RDX: variants seen among roughly 807,000 people sequenced by gnomAD.
RDX encodes the protein deafness, autosomal recessive 24.
A neutral mutation model predicts 83.7 loss-of-function variants in RDX; 32 were observed. The ratio of observed to expected loss-of-function variants is 0.38; its 90% CI spans 0.29 to 0.51. RDX has a LOEUF of 0.51. Ranked by LOEUF, RDX falls within the 20% of genes least tolerant of loss-of-function variation. RDX has a pLI of 0.87. For missense variants in RDX, 600 were observed against 689.9 expected (o/e 0.87, Z 1.46); for synonymous variants, 229 against 222.7 (o/e 1.03, Z -0.25).
At chr11:110,177,812 C>T (rs776765529) in intron 15 of RDX, among the ~76,000 whole-genome samples, 1 of 152,146 alleles carries the variant, frequency 6.6e-6, no homozygotes, top group Non-Finnish European at 1.5e-5. Context: ...CAAACACTTC[C>T]CTATCCAGTC....
intron 5 of RDX, among the ~76,000 whole-genome samples, chr11:110,260,964 CTG>C (rs1218750013): frequency 2.6e-5 from 4 of 152,050 alleles, no homozygotes; most frequent in Non-Finnish European, 4.4e-5. Context: ...TTGGTTGACT[CTG>C]TGAATGCAGA....
At chr11:110,271,734 T>C (rs1280624553) in intron 3 of RDX, among the ~76,000 whole-genome samples, 1 of 152,184 alleles carries the variant, frequency 6.6e-6, no homozygotes, top group Admixed American at 6.5e-5. Flanking sequence ...TCCCAGTTCC[T>C]TAACATACCG....
Position 110,229,649 on chromosome 11 carries a change from A to G in RDX, c.*2220T>C, listed in dbSNP as rs1864548472. 6.6e-6 allele frequency: 1 copy of G among 152,538 alleles called. No individual in the cohort carries two copies. Among genetic ancestry groups the G allele is most frequent in the Non-Finnish European group, 1.5e-5 (1 of 67,926 alleles). 9.4% of individuals were successfully genotyped at this position (152,538 alleles called of 1,614,324 possible). On this transcript the variant is annotated 3_prime_UTR_variant, in exon 14 of 14. Coordinates refer to ENST00000645495, the MANE Select transcript of RDX (RefSeq NM_002906.4). ...ATAAGTTATAATTGGTTTAATCTCT[A>G]AGAAATCCATATTGCAAATGGTTCT...
chr11:110,278,895 A>C (rs1860633213), intron 2 of RDX, among the ~76,000 whole-genome samples: 1 of 152,088 alleles, frequency 6.6e-6, no homozygotes. Flanking sequence ...AGATTAAGAA[A>C]AGAACATTTA....
At chr11:110,258,370 G>A (rs1859638214) in intron 5 of RDX, among the ~76,000 whole-genome samples, 181 bp from the exon 6 acceptor site, 1 of 152,254 alleles carries the variant, frequency 6.6e-6, no homozygotes, top group African/African-American at 2.4e-5. Flanking sequence ...TAAAACTGAT[G>A]TAATCTGAAT....
intron 14 of RDX, among the ~76,000 whole-genome samples, chr11:110,211,808 C>G (rs1030548377): frequency 1.3e-5 from 2 of 151,632 alleles, no homozygotes; most frequent in Non-Finnish European, 2.9e-5. Context: ...CACAACATAC[C>G]AGAATCTGTG....
chr11:110,247,387 T>C (rs1859153182), intron 10 of RDX, among the ~76,000 whole-genome samples: 1 of 151,564 alleles, frequency 6.6e-6, no homozygotes, highest in East Asian at 1.9e-4. Flanking sequence ...GTATTGCATA[T>C]GTGTTTTTTG....
chr11:110,178,044 C>T (rs1862811735), intron 15 of RDX, among the ~76,000 whole-genome samples: 2 of 152,172 alleles, frequency 1.3e-5, no homozygotes, highest in South Asian at 4.1e-4. Context: ...CTGCCCTCCC[C>T]ACCCACCATG....
At chr11:110,239,918 G>A (rs1865014655) in intron 10 of RDX, among the ~76,000 whole-genome samples, 1 of 151,408 alleles carries the variant, frequency 6.6e-6, no homozygotes, top group African/African-American at 2.4e-5. Context: ...ACTGTTGGTG[G>A]GAATGCAAAT....
intron 15 of RDX, chr11:110,195,899 T>C (rs2298500): frequency 0.41 from 61,674 of 151,980 alleles, 12,630 homozygotes; most frequent in East Asian, 0.6. Flanking sequence ...TGCAGGGTGC[T>C]GTGCGAAGTC....
At chr11:110,183,046 A>T (rs1862918138) in intron 15 of RDX, among the ~76,000 whole-genome samples, 1 of 152,218 alleles carries the variant, frequency 6.6e-6, no homozygotes, top group South Asian at 2.1e-4. Context: ...CAGCCAGACC[A>T]CAGGAGTCAG....
At chr11:110,252,778 TC>T (rs398017558) in intron 9 of RDX, among the ~76,000 whole-genome samples, 11 of 44,982 alleles carry the variant, frequency 2.4e-4, no homozygotes, top group Middle Eastern at 0.017. Flanking sequence ...AACTCATTAC[TC>T]TTTTTTTTAT....
intron 14 of RDX, among the ~76,000 whole-genome samples, chr11:110,217,899 C>T (rs1306005769): frequency 8.9e-6 from 1 of 112,946 alleles, no homozygotes; most frequent in Non-Finnish European, 1.8e-5. Context: ...TCTTCTGTTT[C>T]TTCCTCTAGA....
At chr11:110,264,427 A>G (rs965948476) in intron 4 of RDX, among the ~76,000 whole-genome samples, 193 bp from the exon 5 acceptor site, 2 of 152,226 alleles carry the variant, frequency 1.3e-5, no homozygotes, top group African/African-American at 2.4e-5. Flanking sequence ...AATGTGACCT[A>G]TAACTCAGAT....
rs188748795 is a variant in RDX, at chr11:110,218,078, T to C, written c.1748+13795A>G. On this transcript the variant is annotated intron_variant, in intron 14 of 15. Transcript: ENST00000528498. Reference sequence around the variant, plus strand: ...ATAGATGGCAAATACGGGAACAGATTTTCACTTTACTAGGCATAATCTCAG... The same window carrying C: ...ATAGATGGCAAATACGGGAACAGATCTTCACTTTACTAGGCATAATCTCAG... Among the ~76,000 whole-genome samples the C allele has an allele frequency of 5.9e-5, 9 of 152,276 alleles. No individual in the cohort carries two copies. In the East Asian group the frequency reaches 1.7e-3, roughly 29 times the overall value.
chr11:110,250,931 G>C (rs1859311132), intron 9 of RDX, among the ~76,000 whole-genome samples: 1 of 152,042 alleles, frequency 6.6e-6, no homozygotes, highest in African/African-American at 2.4e-5. Flanking sequence ...GGCCTGTCTT[G>C]TCTCCTTTAT....
rs368305915 is a variant in RDX at position 110,287,893 on chromosome 11, C to G, written c.-64-8137G>C. On this transcript the variant is annotated intron_variant, in intron 1 of 13. Transcript: ENST00000645495. ...TCCTTTAAAATCCTAGTCTTGGGCTCTTTTGATTATCTTATTCTACTTTTC... is the reference window on the plus strand; with the variant it reads ...TCCTTTAAAATCCTAGTCTTGGGCTGTTTTGATTATCTTATTCTACTTTTC... Among the ~76,000 whole-genome samples, 10 of 152,308 alleles carry G rather than the reference C, an allele frequency of 6.6e-5. 1 individual carries two copies. Among genetic ancestry groups the G allele is most frequent in the African/African-American group, 2.2e-4 (9 of 41,568 alleles).
Position 110,264,115 on chromosome 11 carries a change from C to T in RDX, c.312G>A (p.Leu104=). 6.2e-7 allele frequency: 1 copy of T among 1,613,814 alleles called. No homozygotes were observed. The highest frequency in any genetic ancestry group is 8.5e-7 in the Non-Finnish European group (1 of 1,179,774). ...CATTTAAGATGGCTTCTTTAACTTG[C>T]AAGAAGAAGAGTCTCTGGGTTATTT... ...IQEITQRLFF[L]QVKEAILNDE... Residue 104 remains leucine, a synonymous_variant, in exon 5 of 14, where the codon TTG becomes TTA. Coordinates refer to ENST00000645495, the MANE Select transcript of RDX (RefSeq NM_002906.4).
chr11:110,292,121 T>G (rs1440089057), intron 1 of RDX, among the ~76,000 whole-genome samples: 1 of 152,104 alleles, frequency 6.6e-6, no homozygotes, highest in Non-Finnish European at 1.5e-5. Flanking sequence ...GGTAACACCC[T>G]GTCTCTACTA....
Sources: gnomAD v4.1 joint callset for allele counts (sites outside exome capture counted in the v4.1 genomes callset) on GRCh38, gnomAD v4.1.1 for gene constraint, MANE v1.5 for transcripts, NCBI Gene and HGNC (gene_info 2026-07-23, HGNC 2026-07-21) for gene names.